Variants in PHEX observed in about 807,000 individuals in gnomAD.
PHEX encodes phosphate regulating endopeptidase X-linked.
A neutral mutation model predicts 68.0 loss-of-function variants in PHEX; 16 were observed. That is an observed-to-expected ratio of 0.24 (90% CI 0.16 to 0.36). The LOEUF (loss-of-function observed/expected upper bound fraction) is 0.36. Among genes scored for constraint, PHEX ranks in the 10% least tolerant of loss-of-function variants. PHEX has a pLI of 1.00. For synonymous variants in PHEX, 208 were observed against 205.1 expected (o/e 1.01, Z -0.12); for missense variants, 480 against 575.5 (o/e 0.83, Z 1.70).
At chrX:22,177,396 C>T (rs1441588268) in intron 13 of PHEX, among the ~76,000 whole-genome samples, 2 of 111,167 alleles carry the variant, frequency 1.8e-5, no homozygotes, top group Non-Finnish European at 3.8e-5. Flanking sequence ...TATTTAAAAA[C>T]CCAAGCATTG....
intron 3 of PHEX, among the ~76,000 whole-genome samples, chrX:22,052,741 C>T: frequency 9.1e-6 from 1 of 109,385 alleles, no homozygotes. Flanking sequence ...TAAGAATATA[C>T]ATATCAGAGT....
chrX:22,053,297 A>G (rs941655892), intron 3 of PHEX, among the ~76,000 whole-genome samples: 2 of 112,164 alleles, frequency 1.8e-5, no homozygotes, highest in Admixed American at 1.9e-4. Context: ...TCGAAAGAAT[A>G]CCATTTTCTT....
chrX:22,233,370 G>A (rs1288071751), intron 20 of PHEX, among the ~76,000 whole-genome samples: 1 of 111,219 alleles, frequency 9.0e-6, no homozygotes, highest in African/African-American at 3.3e-5. Flanking sequence ...TGCTAGGGAG[G>A]GGAAGTTCTC....
chrX:22,057,960 A>C (rs1220931480), intron 3 of PHEX, among the ~76,000 whole-genome samples: 1 of 111,793 alleles, frequency 8.9e-6, no homozygotes, highest in African/African-American at 3.3e-5. Context: ...TCCTGTGCCC[A>C]CAGTCCCAGA....
At chrX:22,209,784 C>CCT (rs1237098888) in intron 15 of PHEX, among the ~76,000 whole-genome samples, 7 of 97,889 alleles carry the variant, frequency 7.2e-5, no homozygotes, top group Admixed American at 2.2e-4. Flanking sequence ...CCCTCTCCTC[C>CCT]CTCTCTCTCT....
At chrX:22,204,757 A>G (rs1339981803) in intron 15 of PHEX, among the ~76,000 whole-genome samples, 1 of 112,186 alleles carries the variant, frequency 8.9e-6, no homozygotes, top group African/African-American at 3.2e-5. Flanking sequence ...GCTATTGCAC[A>G]GGACAAGTAA....
intron 3 of PHEX, among the ~76,000 whole-genome samples, chrX:22,071,003 T>C (rs912028519): frequency 1.8e-5 from 2 of 111,997 alleles, no homozygotes. Flanking sequence ...TGCAGATGGC[T>C]GTTATGAACT....
At position 22,099,054 on chromosome X, in the gene PHEX, C is replaced by G. The variant is rs201383931; in HGVS notation, c.982C>G (p.Pro328Ala). 2 of 1,205,999 alleles carry G rather than the reference C, an allele frequency of 1.7e-6. No individual in the cohort carries two copies. Among genetic ancestry groups the G allele is most frequent in the African/African-American group, 1.8e-5 (1 of 56,855 alleles). Reference protein sequence around the residue: ...IKKVIDTRLYPHLKDISPSEN... With the variant: ...IKKVIDTRLYAHLKDISPSEN... The stretch of plus-strand genomic sequence containing the variant: ...GAAGGTCATTGACACCAGACTCTAC[C>G]CCCATCTGAAAGACATCAGCCCCTC... Residue 328 changes from proline (P) to alanine (A), a missense_variant, in exon 9 of 22, where the codon CCC becomes GCC. Pro to Ala is a conservative substitution (Grantham distance 27, BLOSUM62 -1). Transcript: ENST00000379374.
chrX:22,097,446 A>G (rs1376446371), intron 8 of PHEX, among the ~76,000 whole-genome samples: 2 of 111,881 alleles, frequency 1.8e-5, no homozygotes. Context: ...CATATATCAC[A>G]TCTGCTGTCA....
chrX:22,038,891 C>T (rs2027822), intron 2 of PHEX, among the ~76,000 whole-genome samples: 37,232 of 110,691 alleles, frequency 0.34, 4,820 homozygotes, highest in Middle Eastern at 0.4. Context: ...AGTTGCCTAT[C>T]TTCTGGTCTG....
At chrX:22,126,079 G>A (rs1569402709) in intron 11 of PHEX, among the ~76,000 whole-genome samples, 2 of 112,044 alleles carry the variant, frequency 1.8e-5, no homozygotes, top group African/African-American at 3.2e-5. Context: ...AGGTATGAAT[G>A]TGAGATATGG....
intron 10 of PHEX, among the ~76,000 whole-genome samples, chrX:22,112,827 C>T (rs781023723): frequency 7.2e-5 from 8 of 110,427 alleles, no homozygotes; most frequent in East Asian, 5.7e-4. Context: ...TGCTTGAATC[C>T]GGGAGGCGGA....
At chrX:22,161,721 A>G (rs894954052) in intron 12 of PHEX, among the ~76,000 whole-genome samples, 23 of 111,193 alleles carry the variant, frequency 2.1e-4, no homozygotes, top group African/African-American at 7.5e-4. Context: ...CAGCTACAAA[A>G]CCTCTCATTT....
In PHEX at chrX:22,114,478, T is replaced by C; in HGVS notation, c.1194T>C (p.Thr398=). 1 of 1,202,743 alleles carries C rather than the reference T, an allele frequency of 8.3e-7. No individual in the cohort carries two copies. Among genetic ancestry groups the C allele is most frequent in the Non-Finnish European group, 1.1e-6 (1 of 887,375 alleles). Residue 398 remains threonine, a synonymous_variant, in exon 11 of 22, where the codon ACT becomes ACC. Coordinates refer to ENST00000379374, the MANE Select transcript of PHEX (RefSeq NM_000444.6). ...EFSRVIQGTT[T]LLPQWDKCVN... ...CACAGGTAATCCAGGGGACCACAAC[T>C]TTGCTGCCTCAATGGGACAAATGTG...
At chrX:22,081,895 T>A (rs1408663521) in intron 5 of PHEX, among the ~76,000 whole-genome samples, 1 of 111,893 alleles carries the variant, frequency 8.9e-6, no homozygotes, top group Non-Finnish European at 1.9e-5. Context: ...CGTGAGTATA[T>A]GTGATCCTGA....
chrX:22,058,189 G>GAA (rs368181258), intron 3 of PHEX, among the ~76,000 whole-genome samples: 1 of 99,918 alleles, frequency 1.0e-5, no homozygotes. Flanking sequence ...TCTGAGAAAA[G>GAA]AAAAAAAAAA....
chrX:22,171,813 A>G (rs1933543398), intron 13 of PHEX: 1 of 112,066 alleles, frequency 8.9e-6, no homozygotes, highest in South Asian at 3.7e-4. Context: ...TATAGGACCT[A>G]TGAGAAATTT....
In PHEX at chrX:22,119,658, T is replaced by C. The variant is rs1277116450; in HGVS notation, c.1302+5072T>C. On this transcript the variant is annotated intron_variant, in intron 11 of 21. Coordinates refer to ENST00000379374, the MANE Select transcript of PHEX (RefSeq NM_000444.6). Reference sequence around the variant, plus strand: ...CCCAGGCTGAAGTGCACTGGCATGATCTTGGCTCATTGCAACCTCTGCCTC... The same window carrying C: ...CCCAGGCTGAAGTGCACTGGCATGACCTTGGCTCATTGCAACCTCTGCCTC... Among the ~76,000 whole-genome samples, 6 of 108,358 alleles carry C rather than the reference T, an allele frequency of 5.5e-5. No individual in the cohort carries two copies. The East Asian group carries it at 1.7e-3, about 31-fold the overall frequency. The allele number at this position is 108,358 out of a possible 115,157, so 94.1% of individuals were successfully genotyped here.
chrX:22,201,175 A>G (rs1172857803), intron 15 of PHEX, among the ~76,000 whole-genome samples: 2 of 110,405 alleles, frequency 1.8e-5, no homozygotes, highest in East Asian at 5.7e-4. Flanking sequence ...ACCTGCTACA[A>G]CTTTTTTGTT....
Sources: gnomAD v4.1 joint callset for allele counts (sites outside exome capture counted in the v4.1 genomes callset) on GRCh38, gnomAD v4.1.1 for gene constraint, MANE v1.5 for transcripts, NCBI Gene and HGNC (gene_info 2026-07-23, HGNC 2026-07-21) for gene names.